BLNK: variants seen among roughly 807,000 people sequenced by gnomAD.
BLNK encodes B cell linker, also known as B-cell linker protein.
A neutral mutation model predicts 73.5 loss-of-function variants in BLNK; 29 were observed. The ratio of observed to expected loss-of-function variants is 0.39; its 90% CI spans 0.29 to 0.54. The LOEUF (loss-of-function observed/expected upper bound fraction) is 0.54. Among genes scored for constraint, BLNK ranks in the 20% least tolerant of loss-of-function variants. The pLI is 0.61. For synonymous variants in BLNK, 176 were observed against 200.8 expected, an observed-to-expected ratio of 0.88 and a Z score of 1.04; for missense variants, 460 against 562.8, an observed-to-expected ratio of 0.82 and a Z score of 1.85.
intron 1 of BLNK, among the ~76,000 whole-genome samples, chr10:96,261,091 C>T (rs1843737849): frequency 6.6e-6 from 1 of 152,100 alleles, no homozygotes; most frequent in South Asian, 2.1e-4. Flanking sequence ...GGGCTTTGTC[C>T]ACGTCGGCCT....
chr10:96,240,010 G>T (rs868914255), intron 3 of BLNK, among the ~76,000 whole-genome samples: 2 of 152,070 alleles, frequency 1.3e-5, no homozygotes, highest in Non-Finnish European at 2.9e-5. Context: ...ATTTGTCCCC[G>T]AATCCTCAAA....
chr10:96,249,686 TG>T (rs1359447228), intron 1 of BLNK, among the ~76,000 whole-genome samples: 1 of 151,972 alleles, frequency 6.6e-6, no homozygotes, highest in Non-Finnish European at 1.5e-5. Context: ...TTTTCAGTGG[TG>T]GGGGTTTGGG....
rs587667574 is a variant in BLNK at position 96,190,122 on chromosome 10, C to T, written c.*1851G>A. On this transcript the variant is annotated 3_prime_UTR_variant, in exon 17 of 17. Transcript: ENST00000224337. ...ACTGGTGCTCATTTTCATCATTATCCACCTTAAAGTGATCATCTTTGTCGG... is the reference window on the plus strand; with the variant it reads ...ACTGGTGCTCATTTTCATCATTATCTACCTTAAAGTGATCATCTTTGTCGG... 13 of 999,046 alleles carry T rather than the reference C, an allele frequency of 1.3e-5. No homozygotes were observed. The African/African-American group carries it at 1.4e-4, about 11-fold the overall frequency. 61.9% of individuals were successfully genotyped at this position (999,046 alleles called of 1,614,324 possible).
chr10:96,233,165 G>A (rs954996307), intron 3 of BLNK, among the ~76,000 whole-genome samples: 2 of 152,178 alleles, frequency 1.3e-5, no homozygotes, highest in Admixed American at 1.3e-4. Context: ...AAGATGGCAA[G>A]AGTTTTTGTA....
At position 96,223,770 on chromosome 10, in the gene BLNK, C is replaced by T. The variant is rs10882746; in HGVS notation, c.525+56G>A. On this transcript the variant is annotated intron_variant, in intron 6 of 16. Transcript: ENST00000224337. ...CAGCCAGCGGGCAGGCTGTCCTGGT[C>T]GCTTGCCCCACCCCCCTCTGTGTCC... 0.45 allele frequency: 720,406 copies of T among 1,599,342 alleles called. 163,609 individuals carry two copies. The highest frequency in any genetic ancestry group is 0.51 in the South Asian group (46,237 of 90,404).
In BLNK at chr10:96,203,782, T is replaced by TA. The variant is rs5787172; in HGVS notation, c.934+274dup. The TA allele has an allele frequency of 2.2e-3, 506 of 227,430 alleles. 1 individual carries two copies. Among genetic ancestry groups the TA allele is most frequent in the East Asian group, 0.014 (168 of 12,350 alleles). The allele number at this position is 227,430 out of a possible 1,614,324, so 14.1% of individuals were successfully genotyped here. On this transcript the variant is annotated intron_variant, in intron 13 of 16. Coordinates refer to ENST00000224337, the MANE Select transcript of BLNK (RefSeq NM_013314.4). The stretch of plus-strand genomic sequence containing the variant: ...TTTGAAAACAGCTGTATTGTTTTTG[T>TA]AAAAAAAAAAAAAGTTAAAAAAGGA...
chr10:96,233,567 C>T (rs1842588524), intron 3 of BLNK, among the ~76,000 whole-genome samples: 3 of 152,200 alleles, frequency 2.0e-5, no homozygotes, highest in Admixed American at 6.5e-5. Flanking sequence ...CTTCCTCCTC[C>T]CGTTGTGCAC....
chr10:96,200,025 TAAATA>T lies in BLNK; in HGVS notation c.1095+45_1095+49del, dbSNP rs782403220. 1.3e-4 allele frequency: 159 copies of T among 1,258,592 alleles called. No homozygotes were observed. Among genetic ancestry groups the T allele is most frequent in the East Asian group, 1.5e-4 (5 of 32,492 alleles). The allele number at this position is 1,258,592 out of a possible 1,614,324, so 78.0% of individuals were successfully genotyped here. A position where few individuals can be genotyped will look rare whatever the true frequency, so the allele number is the denominator to read the frequency against. ...TGAAACTGCATCATCTCAAAACAAA[TAAATA>T]AAATAAAATAAAATAAAAATAATAA... is the stretch of plus-strand genomic sequence containing the variant. On this transcript the variant is annotated intron_variant, in intron 15 of 16. Transcript: ENST00000224337. This position sits in a 1 kb window ranked among gnomAD's most constrained non-coding sequence, Gnocchi z 4.3.
At chr10:96,227,120 C>T (rs1173224108) in intron 5 of BLNK, among the ~76,000 whole-genome samples, 2 of 150,804 alleles carry the variant, frequency 1.3e-5, no homozygotes, top group Non-Finnish European at 2.9e-5. Flanking sequence ...GGAGCACAAC[C>T]ATCAGGGTAT....
chr10:96,230,716 T>G lies in BLNK; in HGVS notation c.204+78A>C, dbSNP rs1842465922. The stretch of plus-strand genomic sequence containing the variant: ...TGGGACGTGCGGCTGACCACCAGCA[T>G]GTAATTCAGAAATAAGATCTTCAAA... On this transcript the variant is annotated intron_variant, in intron 4 of 16. Transcript: ENST00000224337. 2.7e-6 allele frequency: 4 copies of G among 1,492,518 alleles called. No individual in the cohort carries two copies. The African/African-American group carries it at 5.5e-5, about 21-fold the overall frequency. The allele number at this position is 1,492,518 out of a possible 1,614,324, so 92.5% of individuals were successfully genotyped here.
Position 96,238,624 on chromosome 10 carries a change from G to A in BLNK, c.163+4111C>T, listed in dbSNP as rs185677497. On this transcript the variant is annotated intron_variant, in intron 3 of 16. Coordinates refer to ENST00000224337, the MANE Select transcript of BLNK (RefSeq NM_013314.4). ...GAAACCTCAAGGCTCAGGGGAAGCAGCTGGAAATGCTCCTGGGATGTGAAC... is the reference window on the plus strand; with the variant it reads ...GAAACCTCAAGGCTCAGGGGAAGCAACTGGAAATGCTCCTGGGATGTGAAC... 1.3e-3 allele frequency among the ~76,000 whole-genome samples: 194 copies of A among 152,318 alleles called. 1 individual carries two copies. Among genetic ancestry groups the A allele is most frequent in the African/African-American group, 4.5e-3 (187 of 41,580 alleles).
chr10:96,245,996 A>T (rs570256587), intron 2 of BLNK, among the ~76,000 whole-genome samples: 18 of 152,116 alleles, frequency 1.2e-4, no homozygotes, highest in Middle Eastern at 3.4e-3. Flanking sequence ...AGTTTTATTT[A>T]AAAAATTTAA....
chr10:96,261,943 G>T (rs1554912978), intron 1 of BLNK, among the ~76,000 whole-genome samples: 1 of 152,146 alleles, frequency 6.6e-6, no homozygotes, highest in Admixed American at 6.5e-5. Flanking sequence ...GGGGCTGGGG[G>T]TCATTTCACT....
chr10:96,257,052 G>A (rs1489524968), intron 1 of BLNK, among the ~76,000 whole-genome samples: 1 of 151,998 alleles, frequency 6.6e-6, no homozygotes, highest in Admixed American at 6.6e-5. Flanking sequence ...CAGCAGCCAG[G>A]TATCAGGAAC....
intron 1 of BLNK, among the ~76,000 whole-genome samples, chr10:96,262,105 A>C (rs1486276361): frequency 6.6e-6 from 1 of 152,170 alleles, no homozygotes; most frequent in African/African-American, 2.4e-5. Context: ...CCATTTATCC[A>C]GCTAGGCTGT....
intron 1 of BLNK, among the ~76,000 whole-genome samples, chr10:96,269,345 A>G (rs529603471): frequency 9.2e-5 from 14 of 151,668 alleles, no homozygotes; most frequent in Admixed American, 9.2e-4. Context: ...TAGCACCTTT[A>G]CTTAAATTCC....
intron 3 of BLNK, among the ~76,000 whole-genome samples, chr10:96,232,952 C>T (rs948596736): frequency 9.9e-5 from 15 of 151,956 alleles, no homozygotes; most frequent in Non-Finnish European, 1.8e-4. Context: ...GTAACTGGCA[C>T]GTGCCACCAT....
rs868908583 is a variant in BLNK at position 96,243,893 on chromosome 10, C to T, written c.114-1109G>A. Among the ~76,000 whole-genome samples the T allele has an allele frequency of 1.6e-4, 25 of 151,620 alleles. No individual in the cohort carries two copies. The Middle Eastern group carries it at 0.014, about 83-fold the overall frequency. On this transcript the variant is annotated intron_variant, in intron 2 of 16. Transcript: ENST00000224337. ...TTTGCTTAATGAAATTTAAAATATACATAAATAAAACTTATATCCAGTAGC... is the reference window on the plus strand; with the variant it reads ...TTTGCTTAATGAAATTTAAAATATATATAAATAAAACTTATATCCAGTAGC...
In BLNK at chr10:96,215,373, T is replaced by C. The variant is rs1554899619; in HGVS notation, c.624A>G (p.Arg208=). Residue 208 remains arginine (R), a synonymous_variant, in exon 8 of 17, where the codon AGA becomes AGG. Coordinates refer to ENST00000224337, the MANE Select transcript of BLNK (RefSeq NM_013314.4). ...PPPEKAPMVN[R]STKPNSSTPA... The stretch of plus-strand genomic sequence containing the variant: ...GCGTTGAGGAATTTGGCTTGGTTGA[T>C]CTATTCACCATGGGAGCTTAAACAC... 1 of 1,613,706 alleles carries C rather than the reference T, an allele frequency of 6.2e-7. No homozygotes were observed. The highest frequency in any genetic ancestry group is 8.5e-7 in the Non-Finnish European group (1 of 1,179,878).
Sources: allele counts gnomAD v4.1 joint callset (sites outside exome capture counted in the v4.1 genomes callset), GRCh38; gene constraint gnomAD v4.1.1; non-coding constraint Gnocchi (gnomAD v3.1); transcripts MANE v1.5; gene names NCBI Gene and HGNC (gene_info 2026-07-23, HGNC 2026-07-21).